Variants in WWOX observed in about 807,000 individuals in gnomAD.
WWOX encodes WW domain containing oxidoreductase, also known as WW domain-containing oxidoreductase.
Under a neutral mutation model 46.2 loss-of-function variants are expected in WWOX, and 69 were observed. The observed-to-expected ratio is 1.49, with a 90% CI of 1.23 to 1.82. The LOEUF (loss-of-function observed/expected upper bound fraction) is 1.82. Among genes scored for constraint, WWOX ranks in the 40% most tolerant of loss-of-function variants. The pLI is 0.00. For synonymous variants in WWOX, 359 were observed against 202.6 expected, an observed-to-expected ratio of 1.77 and a Z score of -6.56; for missense variants, 919 against 542.6, an observed-to-expected ratio of 1.69 and a Z score of -6.89.
At chr16:78,622,903 C>T (rs1004989754) in intron 8 of WWOX, among the ~76,000 whole-genome samples, 1 of 152,118 alleles carries the variant, frequency 6.6e-6, no homozygotes, top group Non-Finnish European at 1.5e-5. Context: ...GAGAGTCTCT[C>T]TCTCCATTGC....
chr16:78,757,739 A>T (rs975774188), intron 8 of WWOX, among the ~76,000 whole-genome samples: 4 of 151,774 alleles, frequency 2.6e-5, no homozygotes, highest in Non-Finnish European at 4.4e-5. Context: ...AAGTAAATAA[A>T]TTTTCCTATA....
chr16:78,184,142 C>T lies in WWOX; in HGVS notation c.516+19853C>T, dbSNP rs369984594. 2.0e-4 allele frequency among the ~76,000 whole-genome samples: 30 copies of T among 152,284 alleles called. No homozygotes were observed. The East Asian group carries it at 5.4e-3, about 27-fold the overall frequency. ...CATATCAGAAGGTCCTCAGCAGCCG[C>T]AGCCACTTAACATGCTCGGTGCTTC... is the stretch of plus-strand genomic sequence containing the variant. On this transcript the variant is annotated intron_variant, in intron 5 of 8. Coordinates refer to ENST00000566780, the MANE Select transcript of WWOX (RefSeq NM_016373.4).
chr16:78,652,489 C>G (rs752380940), intron 8 of WWOX, among the ~76,000 whole-genome samples: 3 of 150,174 alleles, frequency 2.0e-5, no homozygotes, highest in Non-Finnish European at 3.0e-5. Context: ...CAATTGAGGA[C>G]TCTATAAAGG....
intron 8 of WWOX, among the ~76,000 whole-genome samples, chr16:78,439,120 G>A (rs2083393362): frequency 6.6e-6 from 1 of 152,120 alleles, no homozygotes; most frequent in East Asian, 1.9e-4. Flanking sequence ...AATGTGTATT[G>A]GTACATTGGT....
chr16:78,135,694 CAA>C (rs1212348531), intron 4 of WWOX, among the ~76,000 whole-genome samples: 9 of 149,900 alleles, frequency 6.0e-5, no homozygotes, highest in Admixed American at 1.3e-4. Context: ...GAAAAAAAAA[CAA>C]AACAACAACA....
At chr16:78,738,395 C>G (rs2049138154) in intron 8 of WWOX, among the ~76,000 whole-genome samples, 1 of 152,104 alleles carries the variant, frequency 6.6e-6, no homozygotes, top group African/African-American at 2.4e-5. Flanking sequence ...AAGATTCTCC[C>G]TGTGTATGAT....
At chr16:78,972,580 A>G (rs4888895) in intron 8 of WWOX, among the ~76,000 whole-genome samples, 5,677 of 151,952 alleles carry the variant, frequency 0.037, 211 homozygotes, top group East Asian at 0.23. Flanking sequence ...CAGGTGTGTA[A>G]ATGTTCCATT....
At chr16:78,165,654 C>G (rs1017778091) in intron 5 of WWOX, among the ~76,000 whole-genome samples, 1 of 152,102 alleles carries the variant, frequency 6.6e-6, no homozygotes, top group African/African-American at 2.4e-5. Context: ...TGGAGGCCGT[C>G]TTCATTTTTG....
At chr16:78,200,438 A>G (rs2036194914) in intron 5 of WWOX, among the ~76,000 whole-genome samples, 1 of 150,528 alleles carries the variant, frequency 6.6e-6, no homozygotes, top group African/African-American at 2.4e-5. Flanking sequence ...TAGATGTCTG[A>G]TTTCTCTGAG....
At chr16:79,188,373 G>A (rs555698909) in intron 8 of WWOX, among the ~76,000 whole-genome samples, 1 of 152,138 alleles carries the variant, frequency 6.6e-6, no homozygotes, top group South Asian at 2.1e-4. Flanking sequence ...CCTTGCAAAT[G>A]CTCTCTCTCT....
rs111228482 is a variant in WWOX at position 78,340,849 on chromosome 16, G to T, written c.517-46011G>T. ...AACATTTACAAAGTCTGTGTTTTCA[G>T]TATCATGCCACTGTTCTCACCTGTT... On this transcript the variant is annotated intron_variant, in intron 5 of 8. Transcript: ENST00000566780. 9.1e-4 allele frequency among the ~76,000 whole-genome samples: 108 copies of T among 118,674 alleles called. 22 individuals are homozygous for T. Among genetic ancestry groups the T allele is most frequent in the African/African-American group, 3.0e-3 (104 of 34,902 alleles). The allele number at this position is 118,674 out of a possible 152,430, so 77.9% of individuals were successfully genotyped here.
chr16:78,121,687 A>G (rs1276415851), intron 4 of WWOX, among the ~76,000 whole-genome samples: 2 of 150,630 alleles, frequency 1.3e-5, no homozygotes, highest in African/African-American at 4.9e-5. Flanking sequence ...TTTGAGTCAG[A>G]GTATTACTCT....
intron 8 of WWOX, among the ~76,000 whole-genome samples, chr16:78,475,540 G>A (rs910679274): frequency 2.0e-5 from 3 of 152,140 alleles, no homozygotes; most frequent in Non-Finnish European, 4.4e-5. Context: ...GATAACTAGA[G>A]CCATGACTTT....
intron 8 of WWOX, among the ~76,000 whole-genome samples, chr16:79,048,660 G>A (rs927965749): frequency 6.6e-6 from 1 of 152,076 alleles, no homozygotes; most frequent in African/African-American, 2.4e-5. Flanking sequence ...AGCATCAATT[G>A]CTTATTTGAG....
intron 8 of WWOX, among the ~76,000 whole-genome samples, chr16:78,639,444 AGAGTGTTT>A (rs1331227774): frequency 6.6e-6 from 1 of 152,184 alleles, no homozygotes; most frequent in African/African-American, 2.4e-5. Context: ...AAGGAAAGTA[AGAGTGTTT>A]GAGATCCTGT....
chr16:78,766,498 G>C (rs1024037653), intron 8 of WWOX, among the ~76,000 whole-genome samples: 1 of 152,204 alleles, frequency 6.6e-6, no homozygotes, highest in Non-Finnish European at 1.5e-5. Flanking sequence ...TGAGGCAGGA[G>C]GGCTGCTTGA....
At chr16:78,649,773 C>G (rs945379516) in intron 8 of WWOX, among the ~76,000 whole-genome samples, 1 of 152,092 alleles carries the variant, frequency 6.6e-6, no homozygotes, top group African/African-American at 2.4e-5. Flanking sequence ...CTCATTTAAC[C>G]CTTAGGAAAA....
intron 8 of WWOX, among the ~76,000 whole-genome samples, chr16:78,773,074 A>G (rs1447551506): frequency 6.6e-6 from 1 of 152,078 alleles, no homozygotes; most frequent in Non-Finnish European, 1.5e-5. Flanking sequence ...CAAACAAACA[A>G]AAAGAAATTA....
At chr16:78,755,712 A>G (rs1298931341) in intron 8 of WWOX, among the ~76,000 whole-genome samples, 3 of 152,114 alleles carry the variant, frequency 2.0e-5, no homozygotes, top group Non-Finnish European at 4.4e-5. Flanking sequence ...ACCCATTTTG[A>G]TAGTTCAGTA....
Sources: allele counts gnomAD v4.1 joint callset (sites outside exome capture counted in the v4.1 genomes callset), GRCh38; gene constraint gnomAD v4.1.1; transcripts MANE v1.5; gene names NCBI Gene and HGNC (gene_info 2026-07-23, HGNC 2026-07-21).